GALNT14: variants seen among roughly 807,000 people sequenced by gnomAD.
GALNT14 encodes the protein UDP-GalNAc:polypeptide N-acetylgalactosaminyltransferase 14.
In GALNT14, 60 loss-of-function variants were observed where a neutral mutation model predicts 77.5. That is an observed-to-expected ratio of 0.77 (90% CI 0.63 to 0.96). The LOEUF is 0.96. GALNT14 is among the 40% of genes least tolerant of loss of function. The pLI is 0.00. For missense variants in GALNT14, 710 were observed against 731.0 expected (o/e 0.97, Z 0.33); for synonymous variants, 280 against 281.7 (o/e 0.99, Z 0.06).
At chr2:31,043,995 G>T (rs1399734221) in intron 1 of GALNT14, among the ~76,000 whole-genome samples, 1 of 152,164 alleles carries the variant, frequency 6.6e-6, no homozygotes, top group Non-Finnish European at 1.5e-5. Flanking sequence ...CGCCCTCTGT[G>T]CTGTTGTCAA....
intron 9 of GALNT14, among the ~76,000 whole-genome samples, chr2:30,935,986 T>A (rs981136379): frequency 6.6e-6 from 1 of 152,064 alleles, no homozygotes; most frequent in Non-Finnish European, 1.5e-5. Context: ...GAGAGTTTGC[T>A]GGGGGTTCTT....
chr2:31,064,918 A>G (rs140087239), intron 1 of GALNT14, among the ~76,000 whole-genome samples: 6 of 151,758 alleles, frequency 4.0e-5, no homozygotes, highest in South Asian at 2.2e-4. Flanking sequence ...GAAGGGAAAG[A>G]GTGGTAAAAA....
chr2:31,041,136 C>T (rs1227161189), intron 1 of GALNT14, among the ~76,000 whole-genome samples: 2 of 152,090 alleles, frequency 1.3e-5, no homozygotes, highest in Non-Finnish European at 2.9e-5. Flanking sequence ...AGAACAGGGA[C>T]CTTCATACAG....
chr2:30,896,358 C>T, the GALNT14 span, among the ~76,000 whole-genome samples: 1 of 152,162 alleles, frequency 6.6e-6, no homozygotes, highest in Admixed American at 6.5e-5. Flanking sequence ...GTTATTTTAT[C>T]TTCAGTGTGA....
chr2:30,898,636 T>C, the GALNT14 span, among the ~76,000 whole-genome samples: 6 of 152,196 alleles, frequency 3.9e-5, no homozygotes, highest in Non-Finnish European at 7.3e-5. Flanking sequence ...CCAGAGCCCA[T>C]AGAACTAGCC....
chr2:31,132,375 G>T lies in GALNT14; in HGVS notation c.129+5583C>A, dbSNP rs184150806. Among the ~76,000 whole-genome samples the T allele has an allele frequency of 5.8e-4, 89 of 152,272 alleles. 1 individual carries two copies. The highest frequency in any genetic ancestry group is 1.9e-3 in the African/African-American group (79 of 41,548). On this transcript the variant is annotated intron_variant, in intron 1 of 14. Transcript: ENST00000349752. ...TCTTGACTACCTGGGATCCCAACCT[G>T]CCATTTGCATATTTCTCAGTCACTC...
intron 2 of GALNT14, among the ~76,000 whole-genome samples, chr2:30,972,003 G>C (rs1668384473): frequency 6.6e-6 from 1 of 152,206 alleles, no homozygotes; most frequent in South Asian, 2.1e-4. Flanking sequence ...CCAGGACCCA[G>C]GCCCTCGGAC....
chr2:31,009,472 C>T (rs762829576), intron 1 of GALNT14, among the ~76,000 whole-genome samples: 15 of 152,298 alleles, frequency 9.8e-5, no homozygotes, highest in Admixed American at 2.0e-4. Flanking sequence ...CCTCTCCACT[C>T]GTTACACTCT....
chr2:31,129,361 G>A, intron 1 of GALNT14: 1 of 985,126 alleles, frequency 1.0e-6, no homozygotes, highest in South Asian at 4.7e-5. Context: ...CAAGTGGTGG[G>A]GAAAAAAGCT....
intron 1 of GALNT14, among the ~76,000 whole-genome samples, chr2:31,038,890 T>C (rs1280778550): frequency 6.6e-6 from 1 of 151,968 alleles, no homozygotes; most frequent in Admixed American, 6.6e-5. Flanking sequence ...GGACTACAGA[T>C]GTGTGCCACT....
intron 1 of GALNT14, among the ~76,000 whole-genome samples, chr2:31,104,866 T>A (rs1677475209): frequency 6.6e-6 from 1 of 152,216 alleles, no homozygotes; most frequent in South Asian, 2.1e-4. Flanking sequence ...CAAGTTGGTG[T>A]CTGCCAAATT....
chr2:30,942,718 G>A (rs572406188), intron 8 of GALNT14, among the ~76,000 whole-genome samples: 1 of 152,308 alleles, frequency 6.6e-6, no homozygotes, highest in South Asian at 2.1e-4. Context: ...GTGGGCTACC[G>A]ACCACGCAGA....
At chr2:30,970,924 C>T (rs1363118073) in intron 2 of GALNT14, among the ~76,000 whole-genome samples, 3 of 152,188 alleles carry the variant, frequency 2.0e-5, no homozygotes, top group Non-Finnish European at 4.4e-5. Flanking sequence ...CTCAGAATCT[C>T]GCTCAAGGTG....
At chr2:31,100,039 A>G (rs1295088346) in intron 1 of GALNT14, among the ~76,000 whole-genome samples, 1 of 151,880 alleles carries the variant, frequency 6.6e-6, no homozygotes, top group Non-Finnish European at 1.5e-5. Flanking sequence ...TATATACTTT[A>G]GTAGTGTTTT....
chr2:31,042,503 A>C (rs1397100780), intron 1 of GALNT14, among the ~76,000 whole-genome samples: 1 of 152,178 alleles, frequency 6.6e-6, no homozygotes. Flanking sequence ...GAAGCCTCCC[A>C]TAGTCTCCCA....
At chr2:31,112,795 C>G (rs1677909492) in intron 1 of GALNT14, among the ~76,000 whole-genome samples, 1 of 152,178 alleles carries the variant, frequency 6.6e-6, no homozygotes, top group African/African-American at 2.4e-5. Context: ...TCACTTTGAT[C>G]CTCATGCTTC....
At chr2:30,952,705 A>T (rs1334478096) in intron 6 of GALNT14, among the ~76,000 whole-genome samples, 3 of 151,316 alleles carry the variant, frequency 2.0e-5, no homozygotes, top group Non-Finnish European at 4.4e-5. Flanking sequence ...GCACATGTAT[A>T]CATATGTAAC....
At chr2:30,913,104 A>G (rs558545255) in intron 13 of GALNT14, among the ~76,000 whole-genome samples, 1 of 152,324 alleles carries the variant, frequency 6.6e-6, no homozygotes, top group East Asian at 1.9e-4. Context: ...TTTTTCCTCC[A>G]AAGTACCAGA....
At chr2:30,985,603 TC>T (rs1393812328) in intron 2 of GALNT14, among the ~76,000 whole-genome samples, 1 of 152,182 alleles carries the variant, frequency 6.6e-6, no homozygotes, top group Non-Finnish European at 1.5e-5. Flanking sequence ...TTCCAGGATG[TC>T]CTGCAACTCT....
Sources: gnomAD v4.1 joint callset for allele counts (sites outside exome capture counted in the v4.1 genomes callset) on GRCh38, gnomAD v4.1.1 for gene constraint, MANE v1.5 for transcripts, NCBI Gene and HGNC (gene_info 2026-07-23, HGNC 2026-07-21) for gene names.